The following MAP4K1 variants were observed in gnomAD, a reference collection of about 807,000 sequenced individuals.
MAP4K1 encodes MAPK/ERK kinase kinase kinase 1.
Under a neutral mutation model 122.8 loss-of-function variants are expected in MAP4K1, and 35 were observed. The ratio of observed to expected loss-of-function variants is 0.29; its 90% CI spans 0.22 to 0.38. MAP4K1 has a LOEUF of 0.38. Among genes scored for constraint, MAP4K1 ranks in the 10% least tolerant of loss-of-function variants. The pLI is 1.00. For synonymous variants in MAP4K1, 412 were observed against 421.3 expected, an observed-to-expected ratio of 0.98 and a Z score of 0.27; for missense variants, 791 against 1,072.6, an observed-to-expected ratio of 0.74 and a Z score of 3.67.
rs1555807262 is a variant in MAP4K1 at position 38,590,436 on chromosome 19, T to TAA, written c.2397-2621_2397-2620dup. On this transcript the variant is annotated intron_variant, in intron 30 of 30. Transcript: ENST00000396857. ...ATATATATATATATATATATATATA[T>TAA]AATCACGGGCGTCACTAGGACAACG... Among the ~76,000 whole-genome samples, 611 of 110,648 alleles carry TAA rather than the reference T, an allele frequency of 5.5e-3. 14 individuals carry two copies. The highest frequency in any genetic ancestry group is 9.3e-3 in the Non-Finnish European group (527 of 56,610). The allele number at this position is 110,648 out of a possible 152,430, so 72.6% of individuals were successfully genotyped here.
At chr19:38,608,916 G>C (rs1975415506) in intron 13 of MAP4K1, among the ~76,000 whole-genome samples, 1 of 151,374 alleles carries the variant, frequency 6.6e-6, no homozygotes, top group South Asian at 2.1e-4. Context: ...AGAAGTTTGA[G>C]GCTTAAGTGA....
At position 38,615,053 on chromosome 19, in the gene MAP4K1, C is replaced by A. The variant is rs139593605; in HGVS notation, c.314-608G>T. Among the ~76,000 whole-genome samples, 155 of 151,520 alleles carry A rather than the reference C, an allele frequency of 1.0e-3. 1 individual carries two copies. The highest frequency in any genetic ancestry group is 1.8e-3 in the Non-Finnish European group (119 of 67,916). On this transcript the variant is annotated intron_variant, in intron 4 of 30. Transcript: ENST00000396857. ...GAAGAAACATAAAGCAAGAAAGGTG[C>A]GCGTAGGAGGAGCTATGACATTTCA...
rs185971474 is a variant in MAP4K1, at chr19:38,596,755, A to C, written c.1942-269T>G. ...GCAAAACCTGCTTAGACACTCAAAG[A>C]GACAGGCTCTAAATGGGCTCTACTA... On this transcript the variant is annotated intron_variant, in intron 25 of 30. Transcript: ENST00000396857. Among the ~76,000 whole-genome samples, 54 of 152,240 alleles carry C rather than the reference A, an allele frequency of 3.5e-4. No individual in the cohort carries two copies. In the East Asian group the frequency reaches 8.3e-3, roughly 23 times the overall value.
chr19:38,616,019 T>G (rs913379811), intron 4 of MAP4K1, among the ~76,000 whole-genome samples, 176 bp downstream of exon 4: 1 of 150,534 alleles, frequency 6.6e-6, no homozygotes, highest in Non-Finnish European at 1.5e-5. Context: ...AGCCCGTAGT[T>G]TCAGCACTTC....
Position 38,604,942 on chromosome 19 carries a change from C to T in MAP4K1, c.1446+467G>A, listed in dbSNP as rs866411116. Among the ~76,000 whole-genome samples the T allele has an allele frequency of 1.3e-4, 19 of 151,808 alleles. 1 individual carries two copies. Among genetic ancestry groups the T allele is most frequent in the Middle Eastern group, 3.4e-3 (1 of 292 alleles). ...CCTCTACTAAAAATACAAAATTAGCCGGGCATGGTGCTGCATTGCCTGTAA... is the reference window on the plus strand; with the variant it reads ...CCTCTACTAAAAATACAAAATTAGCTGGGCATGGTGCTGCATTGCCTGTAA... On this transcript the variant is annotated intron_variant, in intron 19 of 30. Coordinates refer to ENST00000396857, the MANE Select transcript of MAP4K1 (RefSeq NM_001042600.3).
intron 4 of MAP4K1, 33 bp downstream of exon 4, chr19:38,616,162 G>A: frequency 6.3e-7 from 1 of 1,581,256 alleles, no homozygotes; most frequent in Non-Finnish European, 8.7e-7. Flanking sequence ...GGGATAGGGA[G>A]GGGTGCTTGG....
intron 30 of MAP4K1, among the ~76,000 whole-genome samples, chr19:38,590,214 G>T (rs1305309211): frequency 6.6e-6 from 1 of 150,408 alleles, no homozygotes; most frequent in African/African-American, 2.5e-5. Flanking sequence ...TTCAGAACGT[G>T]GAAACCTCAA....
chr19:38,615,523 T>C (rs12972463), intron 4 of MAP4K1, among the ~76,000 whole-genome samples: 1 of 151,208 alleles, frequency 6.6e-6, no homozygotes, highest in South Asian at 2.1e-4. Flanking sequence ...CAGACAGATT[T>C]AGAGAGAGAC....
chr19:38,597,285 GC>G lies in MAP4K1; in HGVS notation c.1837+40del. 1.2e-6 allele frequency: 2 copies of G among 1,612,338 alleles called. No homozygotes were observed. Among genetic ancestry groups the G allele is most frequent in the South Asian group, 2.2e-5 (2 of 91,044 alleles). On this transcript the variant is annotated intron_variant, in intron 24 of 30. Coordinates refer to ENST00000396857, the MANE Select transcript of MAP4K1 (RefSeq NM_001042600.3). This position sits in a 1 kb window ranked among gnomAD's most constrained non-coding sequence, Gnocchi z 4.6. ...CAGTTCAAGCCCCTCCTCTGGCCTG[GC>G]CCCGCCCACTCTCTGCACACCCGTG...
chr19:38,597,210 T>G lies in MAP4K1; in HGVS notation c.1838-73A>C. On this transcript the variant is annotated intron_variant, in intron 24 of 30. Coordinates refer to ENST00000396857, the MANE Select transcript of MAP4K1 (RefSeq NM_001042600.3). This position sits in a 1 kb window ranked among gnomAD's most constrained non-coding sequence, Gnocchi z 4.6. ...TCGCCACCCACACTACCACCCATCT[T>G]CTGGGTTCTGGACACATTGCCTTAA... is the stretch of plus-strand genomic sequence containing the variant. 1.3e-6 allele frequency: 2 copies of G among 1,592,446 alleles called. No homozygotes were observed. The highest frequency in any genetic ancestry group is 1.7e-5 in the Admixed American group (1 of 59,988).
In MAP4K1 at chr19:38,593,325, G is replaced by C; in HGVS notation, c.2353C>G (p.Leu785Val). ...ALGSDQLLQE[L>V]RDPTLTFRLL... ...CGGAAAGTGAGGGTAGGGTCTCTCAGCTCCTGTAGCAGCTAGGGAAAAAAA... is the reference window on the plus strand; with the variant it reads ...CGGAAAGTGAGGGTAGGGTCTCTCACCTCCTGTAGCAGCTAGGGAAAAAAA... The change falls in exon 30 of 31, where the codon CTG (leucine) becomes GTG (valine). Residue 785 changes from leucine (L) to valine (V), a missense_variant. Around this residue, in one of 4 missense-constraint regions of MAP4K1, gnomAD observed 267 missense variants for 323.0 expected, o/e 0.83. Coordinates refer to ENST00000396857, the MANE Select transcript of MAP4K1 (RefSeq NM_001042600.3). 6.2e-7 allele frequency: 1 copy of C among 1,611,224 alleles called. No homozygotes were observed. Among genetic ancestry groups the C allele is most frequent in the Non-Finnish European group, 8.5e-7 (1 of 1,178,636 alleles).
rs1017058580 is a variant in MAP4K1, at chr19:38,610,911, G to A, written c.810+140C>T. 9 of 728,828 alleles carry A rather than the reference G, an allele frequency of 1.2e-5. No individual in the cohort carries two copies. In the Admixed American group the frequency reaches 2.0e-4, roughly 16 times the overall value. 45.1% of individuals were successfully genotyped at this position (728,828 alleles called of 1,614,324 possible). A position where few individuals can be genotyped will look rare whatever the true frequency, so the allele number is the denominator to read the frequency against. On this transcript the variant is annotated intron_variant, in intron 11 of 30. Coordinates refer to ENST00000396857, the MANE Select transcript of MAP4K1 (RefSeq NM_001042600.3). ...CCCGGAGGGTCTCTGGTGGTCGGGG[G>A]TGGTCCTGGGAAATTCTGAGGCACT...
chr19:38,601,718 T>G lies in MAP4K1; in HGVS notation c.1447-193A>C, dbSNP rs964938351. The G allele has an allele frequency of 4.1e-4, 219 of 531,710 alleles. 1 individual carries two copies. The highest frequency in any genetic ancestry group is 9.9e-4 in the Middle Eastern group (2 of 2,020). 32.9% of individuals were successfully genotyped at this position (531,710 alleles called of 1,614,324 possible). On this transcript the variant is annotated intron_variant, in intron 19 of 30. Coordinates refer to ENST00000396857, the MANE Select transcript of MAP4K1 (RefSeq NM_001042600.3). ...GAGTTTTCTTTTCAGTTTGTTTTTG[T>G]TTTTTTTTGTTGTTGTTATATATTT...
chr19:38,611,678 G>A (rs1975502210), intron 9 of MAP4K1, among the ~76,000 whole-genome samples: 1 of 152,120 alleles, frequency 6.6e-6, no homozygotes, highest in South Asian at 2.1e-4. Flanking sequence ...TATGTGAGAG[G>A]CTAAGGCAGG....
chr19:38,596,986 T>C, intron 25 of MAP4K1, 48 bp downstream of exon 25: 1 of 1,560,266 alleles, frequency 6.4e-7, no homozygotes, highest in Non-Finnish European at 8.8e-7. Context: ...GTGCAAGGCC[T>C]TAGCCACCCA....
intron 22 of MAP4K1, among the ~76,000 whole-genome samples, chr19:38,599,438 G>C (rs892579748): frequency 5.3e-5 from 8 of 151,552 alleles, no homozygotes; most frequent in African/African-American, 1.9e-4. Flanking sequence ...AAGGCAGTTG[G>C]ATCACCTGAG....
At chr19:38,616,375 T>C in intron 3 of MAP4K1, 116 bp from the exon 4 acceptor site, 2 of 663,248 alleles carry the variant, frequency 3.0e-6, no homozygotes, top group Non-Finnish European at 5.0e-6. Context: ...ACGTAACAGC[T>C]CTCATCACTC....
At chr19:38,607,131 G>C (rs60803495) in intron 16 of MAP4K1, among the ~76,000 whole-genome samples, 25,247 of 151,938 alleles carry the variant, frequency 0.17, 2,601 homozygotes, top group East Asian at 0.39. Context: ...GGCTGAGGGT[G>C]CAGGGTCATG....
At position 38,596,425 on chromosome 19, in the gene MAP4K1, G is replaced by C. The variant is rs559060424; in HGVS notation, c.2003C>G (p.Ser668Cys). The C allele has an allele frequency of 4.0e-5, 63 of 1,592,578 alleles. No individual in the cohort carries two copies. The highest frequency in any genetic ancestry group is 3.5e-4 in the Admixed American group (20 of 57,680). Residue 668 changes from serine (S) to cysteine (C), a missense_variant, in exon 26 of 31, where the codon TCT becomes TGT. Transcript: ENST00000396857. ...GCCGATGCACACAGCGGGCAGCTCA[G>C]AGCCTGGCCCGGTCAGCAGCGCGAA... ...SVFALLTGPG[S>C]ELPAVCIGVS...
Sources: gnomAD v4.1 joint callset for allele counts (sites outside exome capture counted in the v4.1 genomes callset) on GRCh38, gnomAD v4.1.1 for gene constraint, gnomAD v4.1.1 regional missense constraint, Gnocchi (gnomAD v3.1) non-coding constraint, MANE v1.5 for transcripts, NCBI Gene and HGNC (gene_info 2026-07-23, HGNC 2026-07-21) for gene names.